CDH3: variants seen among roughly 807,000 people sequenced by gnomAD.
The protein encoded by CDH3 is cadherin-3.
In CDH3, 54 loss-of-function variants were observed where a neutral mutation model predicts 82.0. The observed-to-expected ratio is 0.66, with a 90% CI of 0.53 to 0.83. CDH3 has a LOEUF of 0.83. Ranked by LOEUF, CDH3 falls within the 40% of genes least tolerant of loss-of-function variation. The pLI, the probability that CDH3 is intolerant of heterozygous loss-of-function variation, is 0.00. For synonymous variants in CDH3, 446 were observed against 437.9 expected (o/e 1.02, Z -0.23); for missense variants, 1,054 against 1,084.6 (o/e 0.97, Z 0.40).
Position 68,691,857 on chromosome 16 carries a change from G to T in CDH3, c.1933G>T (p.Glu645Ter). 1 of 1,614,112 alleles carries T rather than the reference G, an allele frequency of 6.2e-7. No individual in the cohort carries two copies. The highest frequency in any genetic ancestry group is 1.3e-5 in the African/African-American group (1 of 75,038). Residue 645 changes from glutamate to a stop codon, truncating the protein, a stop_gained, in exon 13 of 16, where the codon GAA becomes TAA. Coordinates refer to ENST00000264012, the MANE Select transcript of CDH3 (RefSeq NM_001793.6). LOFTEE classifies it high-confidence loss of function. ...ATVCDCHGHV[E>*]TCPGPWKGGF... ...TGTGTGCGACTGCCATGGCCATGTC[G>T]AAACCTGCCCTGGACCCTGGAAGGG...
chr16:68,709,532 T>C (rs9746309), intron 1 of CDH3, among the ~76,000 whole-genome samples: 129,894 of 152,096 alleles, frequency 0.85, 55,638 homozygotes, highest in Non-Finnish European at 0.89. Flanking sequence ...AATCTCGGCT[T>C]ACTGCAACCT....
rs769406212 is a variant in CDH3, at chr16:68,674,017, T to G, written c.161-2368T>G. On this transcript the variant is annotated intron_variant, in intron 2 of 15. Transcript: ENST00000264012. ...AAAAATGAATGCATAAGTATCTGTT[T>G]GAATCCTTTTGGTTCTTTCAGGTAT... Among the ~76,000 whole-genome samples, 7 of 152,234 alleles carry G rather than the reference T, an allele frequency of 4.6e-5. No individual in the cohort carries two copies. The South Asian group carries it at 6.2e-4, about 13-fold the overall frequency.
intron 1 of CDH3, among the ~76,000 whole-genome samples, chr16:68,714,095 A>C (rs1205264867): frequency 6.6e-6 from 1 of 151,846 alleles, no homozygotes; most frequent in Non-Finnish European, 1.5e-5. Context: ...TACCATGCCC[A>C]GCTAATTTTT....
Position 68,724,925 on chromosome 16 carries a change from G to A in CDH3, c.*46-2228G>A, listed in dbSNP as rs28549017. Among the ~76,000 whole-genome samples, 476 of 152,096 alleles carry A rather than the reference G, an allele frequency of 3.1e-3. 7 individuals carry two copies. The highest frequency in any genetic ancestry group is 0.011 in the African/African-American group (438 of 41,512). ...TTTCATTGGCTGCCGAGCCAGCAGA[G>A]GGTTGGTTGGGGAAGGGTTTATCTC... On this transcript the variant is annotated intron_variant, in intron 2 of 2. Transcript: ENST00000569080.
chr16:68,682,809 T>C (rs1364236737), intron 9 of CDH3, among the ~76,000 whole-genome samples: 2 of 152,210 alleles, frequency 1.3e-5, no homozygotes, highest in Non-Finnish European at 2.9e-5. Context: ...CATGTTGACT[T>C]TGCATTTACT....
chr16:68,686,249 C>A (rs1479894727), intron 11 of CDH3: 24 of 606,318 alleles, frequency 4.0e-5, no homozygotes, highest in South Asian at 3.9e-4. Flanking sequence ...CGCCTCGGGG[C>A]GAGCGGCAAG....
In CDH3 at chr16:68,679,861, G is replaced by T. The variant is rs1200952289; in HGVS notation, c.754G>T (p.Val252Leu). The T allele has an allele frequency of 6.2e-7, 1 of 1,613,622 alleles. No homozygotes were observed. Among genetic ancestry groups the T allele is most frequent in the South Asian group, 1.1e-5 (1 of 91,074 alleles). ...EDDAIYTYNG[V>L]VAYSIHSQEP... The stretch of plus-strand genomic sequence containing the variant: ...TGATGCCATCTACACCTACAATGGG[G>T]TGGTTGCTTACTCCATCCATAGCCA... The change falls in exon 7 of 16, where the codon GTG (valine) becomes TTG (leucine). Residue 252 changes from valine (V) to leucine (L), a missense_variant. Val to Leu is a conservative substitution (Grantham distance 32, BLOSUM62 1). Coordinates refer to ENST00000264012, the MANE Select transcript of CDH3 (RefSeq NM_001793.6).
chr16:68,684,981 C>T (rs1961363531), intron 10 of CDH3, among the ~76,000 whole-genome samples, 157 bp downstream of exon 10: 1 of 152,152 alleles, frequency 6.6e-6, no homozygotes. Flanking sequence ...AGGCTGAAGA[C>T]TGAATAGGGG....
rs553678637 is a variant in CDH3 at position 68,680,658 on chromosome 16, G to A, written c.868-310G>A. On this transcript the variant is annotated intron_variant, in intron 7 of 15. Transcript: ENST00000264012. ...CACGCCACTACACTGCAACCTGGGC[G>A]ACAGGGCAAGATCCTGTCTCAAAAA... 6.6e-5 allele frequency among the ~76,000 whole-genome samples: 10 copies of A among 152,314 alleles called. No homozygotes were observed. The East Asian group carries it at 9.7e-4, about 15-fold the overall frequency.
At chr16:68,651,750 G>T in intron 2 of CDH3, 1 of 504,682 alleles carries the variant, frequency 2.0e-6, no homozygotes, top group Non-Finnish European at 4.0e-6. Context: ...GACTGAGCCT[G>T]GCTGCAGCTC....
rs139301066 is a variant in CDH3 at position 68,698,277 on chromosome 16, C to G, written c.2367C>G (p.Ala789=). ...VFDYEGSGSD[A]ASLSSLTSSA... ...ACTATGAGGGCAGCGGCTCCGACGCCGCGTCCCTGAGCTCCCTCACCTCCT... is the reference window on the plus strand; with the variant it reads ...ACTATGAGGGCAGCGGCTCCGACGCGGCGTCCCTGAGCTCCCTCACCTCCT... The change falls in exon 16 of 16, where the codon GCC becomes GCG. Residue 789 remains alanine (A), a synonymous_variant. Transcript: ENST00000264012. The G allele has an allele frequency of 1.2e-6, 2 of 1,614,232 alleles. No homozygotes were observed. Among genetic ancestry groups the G allele is most frequent in the South Asian group, 1.1e-5 (1 of 91,084 alleles).
At position 68,698,551 on chromosome 16, in the gene CDH3, G is replaced by C. The variant is rs1410230599; in HGVS notation, c.*151G>C. ...CAGGCTATGAGTCTGACGTTAGAGT[G>C]GTGGCTTCCTTAGCCTTTCAGGATG... On this transcript the variant is annotated 3_prime_UTR_variant, in exon 16 of 16. Transcript: ENST00000264012. 2.9e-6 allele frequency: 2 copies of C among 688,180 alleles called. No individual in the cohort carries two copies. Among genetic ancestry groups the C allele is most frequent in the Non-Finnish European group, 5.0e-6 (2 of 397,354 alleles). 42.6% of individuals were successfully genotyped at this position (688,180 alleles called of 1,614,324 possible). A position where few individuals can be genotyped will look rare whatever the true frequency, so the allele number is the denominator to read the frequency against.
intron 2 of CDH3, among the ~76,000 whole-genome samples, chr16:68,667,411 C>A (rs1034998350): frequency 6.6e-6 from 1 of 152,114 alleles, no homozygotes; most frequent in Non-Finnish European, 1.5e-5. Context: ...GTCAAAATAC[C>A]CAGAGATCAG....
downstream of CDH3, among the ~76,000 whole-genome samples, chr16:68,731,429 TACAC>T (rs1428990061): frequency 0.017 from 765 of 45,120 alleles, 199 homozygotes; most frequent in African/African-American, 0.022. Flanking sequence ...TACACATATA[TACAC>T]ATATATATAC....
intron 2 of CDH3, among the ~76,000 whole-genome samples, chr16:68,662,981 G>T (rs1960633871): frequency 7.3e-6 from 1 of 137,382 alleles, no homozygotes; most frequent in African/African-American, 2.8e-5. Flanking sequence ...CTATTCTCCT[G>T]CTTTAGCCTC....
chr16:68,678,254 C>G lies in CDH3; in HGVS notation c.367C>G (p.Pro123Ala). Residue 123 changes from proline to alanine, a missense_variant, in exon 4 of 16, where the codon CCC becomes GCC. Physicochemically the swap from Pro to Ala is conservative, Grantham distance 27. Coordinates refer to ENST00000264012, the MANE Select transcript of CDH3 (RefSeq NM_001793.6). The part of the protein sequence containing the change: ...PISVPENGKG[P>A]FPQRLNQLKS... ...ATCTGTCCCTGAAAATGGCAAGGGT[C>G]CCTTCCCCCAGAGACTGAATCAGGT... 1 of 1,614,146 alleles carries G rather than the reference C, an allele frequency of 6.2e-7. No individual in the cohort carries two copies. The highest frequency in any genetic ancestry group is 2.2e-5 in the East Asian group (1 of 44,868).
At chr16:68,724,008 G>A (rs1336144115) in intron 2 of CDH3, among the ~76,000 whole-genome samples, 6 of 149,898 alleles carry the variant, frequency 4.0e-5, no homozygotes, top group Admixed American at 2.0e-4. Context: ...GGCGGAGCTT[G>A]CAGTGAGCCG....
In CDH3 at chr16:68,695,763, G is replaced by A. The variant is rs1031719046; in HGVS notation, c.2134-14G>A. The A allele has an allele frequency of 6.2e-7, 1 of 1,613,980 alleles. No individual in the cohort carries two copies. The highest frequency in any genetic ancestry group is 1.3e-5 in the African/African-American group (1 of 75,032). ...GGAGTCCTCAGTCACCTGCTCTCCT[G>A]CATTTCCCCACAGGACTATGACATC... On this transcript the variant is annotated splice_polypyrimidine_tract_variant and intron_variant, in intron 14 of 15. Transcript: ENST00000264012.
rs1335455693 is a variant in CDH3 at position 68,707,142 on chromosome 16, T to C, written c.99+11219T>C. Among the ~76,000 whole-genome samples the C allele has an allele frequency of 6.6e-6, 1 of 152,186 alleles. No homozygotes were observed. Among genetic ancestry groups the C allele is most frequent in the Non-Finnish European group, 1.5e-5 (1 of 68,032 alleles). On this transcript the variant is annotated intron_variant, in intron 1 of 2. Transcript: ENST00000569080. The surrounding 1 kb of genome is among the most constrained non-coding windows in gnomAD (Gnocchi z 4.5). ...ATCAGGGAGCAAGTATGCAGTGTCC[T>C]GTCTACATAAAAGGAATGGCAAGGG...
Sources: gnomAD v4.1 joint callset for allele counts (sites outside exome capture counted in the v4.1 genomes callset) on GRCh38, gnomAD v4.1.1 for gene constraint, Gnocchi (gnomAD v3.1) non-coding constraint, MANE v1.5 for transcripts, NCBI Gene and HGNC (gene_info 2026-07-23, HGNC 2026-07-21) for gene names.